Variants in POLK observed in about 807,000 individuals in gnomAD.
The protein encoded by POLK is DNA polymerase kappa.
In POLK, 76 loss-of-function variants were observed where a neutral mutation model predicts 94.0. The ratio of observed to expected loss-of-function variants is 0.81; its 90% CI spans 0.67 to 0.98. POLK has a LOEUF of 0.98. Ranked by LOEUF, POLK falls within the 50% of genes least tolerant of loss-of-function variation. The probability of loss-of-function intolerance (pLI) is 0.00; values close to 1 mark genes in which losing one functional copy is unlikely to be tolerated. For synonymous variants in POLK, 349 were observed against 325.4 expected (o/e 1.07, Z -0.78); for missense variants, 954 against 1,010.1 (o/e 0.94, Z 0.75).
At chr5:75,552,358 G>T in intron 2 of POLK, 114 bp from the exon 3 acceptor site, 1 of 951,724 alleles carries the variant, frequency 1.1e-6, no homozygotes, top group East Asian at 2.7e-5. Context: ...GTAGAGCTAA[G>T]TTTTAAATTT....
chr5:75,585,908 G>T (rs1282258775), intron 9 of POLK, among the ~76,000 whole-genome samples: 4 of 152,172 alleles, frequency 2.6e-5, no homozygotes, highest in African/African-American at 9.7e-5. Context: ...TACAGAGATT[G>T]CAAGGCTTGT....
intron 2 of POLK, among the ~76,000 whole-genome samples, chr5:75,550,721 A>T (rs886418592): frequency 2.0e-5 from 3 of 152,350 alleles, no homozygotes; most frequent in South Asian, 4.1e-4. Flanking sequence ...TATTCATGCT[A>T]AAAGCTCTTA....
chr5:75,512,101 G>A (rs1768058563), intron 1 of POLK, 187 bp downstream of exon 1: 2 of 288,076 alleles, frequency 6.9e-6, no homozygotes, highest in Admixed American at 4.9e-5. Flanking sequence ...TGACGGGCCT[G>A]CTTTCCAGGG....
chr5:75,589,380 TACACAC>T (rs1156672391), intron 10 of POLK, among the ~76,000 whole-genome samples: 17 of 67,752 alleles, frequency 2.5e-4, no homozygotes, highest in Admixed American at 1.6e-3. Context: ...TTTATATATA[TACACAC>T]ATACACACAC....
intron 3 of POLK, among the ~76,000 whole-genome samples, chr5:75,552,835 A>C (rs1386927499): frequency 6.6e-6 from 1 of 152,202 alleles, no homozygotes; most frequent in African/African-American, 2.4e-5. Flanking sequence ...GTCTTAATTA[A>C]GTTGAGTAAC....
At chr5:75,528,388 A>G (rs1266426950) in intron 1 of POLK, among the ~76,000 whole-genome samples, 1 of 152,152 alleles carries the variant, frequency 6.6e-6, no homozygotes, top group African/African-American at 2.4e-5. Flanking sequence ...TATTATATTA[A>G]TGATCATTCT....
At chr5:75,572,272 A>G (rs998430612) in intron 4 of POLK, among the ~76,000 whole-genome samples, 8 of 152,206 alleles carry the variant, frequency 5.3e-5, no homozygotes, top group Admixed American at 1.3e-4. Flanking sequence ...CTCCTAGTCA[A>G]AATGTTTTCA....
At chr5:75,523,161 A>G (rs531112893) in intron 1 of POLK, among the ~76,000 whole-genome samples, 1 of 152,310 alleles carries the variant, frequency 6.6e-6, no homozygotes, top group African/African-American at 2.4e-5. Context: ...CTGCTAGTTG[A>G]TTTATCTTTG....
chr5:75,567,837 T>G (rs1771355850), intron 3 of POLK, among the ~76,000 whole-genome samples: 1 of 152,204 alleles, frequency 6.6e-6, no homozygotes, highest in Non-Finnish European at 1.5e-5. Context: ...GAGGAAGGCA[T>G]AGAGCAACCC....
chr5:75,589,595 C>T (rs1419716474), intron 10 of POLK, among the ~76,000 whole-genome samples: 2 of 152,012 alleles, frequency 1.3e-5, no homozygotes, highest in African/African-American at 4.8e-5. Flanking sequence ...GGACTACAGG[C>T]GCCCGTATAC....
At chr5:75,546,782 C>T (rs1000071936) in intron 1 of POLK, among the ~76,000 whole-genome samples, 2 of 152,152 alleles carry the variant, frequency 1.3e-5, no homozygotes, top group African/African-American at 2.4e-5. Flanking sequence ...TCTCCTGCCT[C>T]AGCCTCCCTA....
At chr5:75,605,118 TACACACAC>T (rs3842052), downstream of POLK, among the ~76,000 whole-genome samples, 16,952 of 146,710 alleles carry the variant, frequency 0.12, 926 homozygotes, top group Admixed American at 0.13. Flanking sequence ...TGTATACACA[TACACACAC>T]ACACACACAC....
Position 75,547,071 on chromosome 5 carries a change from CT to C in POLK, c.51del (p.Arg18GlyfsTer14). On this transcript the variant is annotated frameshift_variant, in exon 2 of 15. Transcript: ENST00000241436. LOFTEE classifies it high-confidence loss of function. ...TGACAGTTACAAAGATGATCTTCTG[CT>C]TAGGATGGGACTTAATGATAATAAA... 2 of 1,525,892 alleles carry C rather than the reference CT, an allele frequency of 1.3e-6. No homozygotes were observed. The highest frequency in any genetic ancestry group is 1.8e-6 in the Non-Finnish European group (2 of 1,111,066). The allele number at this position is 1,525,892 out of a possible 1,614,324, so 94.5% of individuals were successfully genotyped here. A position where few individuals can be genotyped will look rare whatever the true frequency, so the allele number is the denominator to read the frequency against.
At chr5:75,549,782 C>G (rs368610062) in intron 2 of POLK, among the ~76,000 whole-genome samples, 1 of 151,994 alleles carries the variant, frequency 6.6e-6, no homozygotes, top group African/African-American at 2.4e-5. Flanking sequence ...ATAATCATCA[C>G]CCAGCATCAA....
intron 3 of POLK, among the ~76,000 whole-genome samples, chr5:75,554,551 T>C (rs1293350525): frequency 6.6e-6 from 1 of 152,122 alleles, no homozygotes; most frequent in African/African-American, 2.4e-5. Flanking sequence ...GTTTGTTATA[T>C]AAATAAACTG....
upstream of POLK, chr5:75,511,221 C>A (rs200651209): frequency 1.2e-6 from 2 of 1,612,306 alleles, no homozygotes; most frequent in African/African-American, 1.3e-5. Flanking sequence ...GGCTCGACAA[C>A]CGAGCAGGAG....
chr5:75,598,054 CTAGT>C (rs1773186380), exon 15 of POLK: 1 of 821,682 alleles, frequency 1.2e-6, no homozygotes, highest in East Asian at 3.0e-5. Flanking sequence ...TTAATTGAAA[CTAGT>C]TATTTTATAA....
rs556986529 is a variant in POLK at position 75,579,921 on chromosome 5, G to T, written c.695-1288G>T. On this transcript the variant is annotated intron_variant, in intron 6 of 14. Transcript: ENST00000241436. ...AAATTAGCTAAGCGTGATGGCTCGC[G>T]CCTGTAGTCCTAGCTATACTCCAGC... Among the ~76,000 whole-genome samples the T allele has an allele frequency of 9.6e-4, 142 of 148,184 alleles. 7 individuals carry two copies. The South Asian group carries it at 0.029, about 30-fold the overall frequency.
At chr5:75,510,981 G>A (rs952661606), upstream of POLK, 1 of 1,251,166 alleles carries the variant, frequency 8.0e-7, no homozygotes. Context: ...ATCCCTAGTC[G>A]CTGCAGCAAC....
Sources: gnomAD v4.1 joint callset for allele counts (sites outside exome capture counted in the v4.1 genomes callset) on GRCh38, gnomAD v4.1.1 for gene constraint, MANE v1.5 for transcripts, NCBI Gene and HGNC (gene_info 2026-07-23, HGNC 2026-07-21) for gene names.